RORA: variants seen among roughly 807,000 people sequenced by gnomAD.
RORA encodes RAR related orphan receptor A, also known as nuclear receptor ROR-alpha.
A neutral mutation model predicts 69.5 loss-of-function variants in RORA; 7 were observed. That is an observed-to-expected ratio of 0.10 (90% CI 0.06 to 0.19). The LOEUF (loss-of-function observed/expected upper bound fraction) is 0.19. Ranked by LOEUF, RORA falls within the 10% of genes least tolerant of loss-of-function variation. The probability of loss-of-function intolerance (pLI) is 1.00; values close to 1 mark genes in which losing one functional copy is unlikely to be tolerated. For missense variants in RORA, 457 were observed against 663.0 expected, an observed-to-expected ratio of 0.69 and a Z score of 3.41; for synonymous variants, 261 against 240.8, an observed-to-expected ratio of 1.08 and a Z score of -0.78.
At chr15:60,513,072 C>T (rs1317925858) in intron 4 of RORA, among the ~76,000 whole-genome samples, 3 of 152,176 alleles carry the variant, frequency 2.0e-5, no homozygotes, top group Admixed American at 2.0e-4. Flanking sequence ...AAGTTGGGAA[C>T]CAAGGCCCTC....
chr15:60,836,356 G>A (rs572300220), intron 1 of RORA, among the ~76,000 whole-genome samples: 142 of 152,228 alleles, frequency 9.3e-4, no homozygotes, highest in African/African-American at 3.3e-3. Context: ...ATGACAGAAG[G>A]AGAAGAGATG....
chr15:60,652,769 C>T (rs933236725), intron 2 of RORA, among the ~76,000 whole-genome samples: 1 of 152,190 alleles, frequency 6.6e-6, no homozygotes, highest in Non-Finnish European at 1.5e-5. Context: ...AAACACTTAA[C>T]ATTTAACACA....
intron 1 of RORA, among the ~76,000 whole-genome samples, chr15:60,885,405 C>A (rs948399814): frequency 1.3e-5 from 2 of 152,220 alleles, no homozygotes; most frequent in African/African-American, 2.4e-5. Context: ...TCAATGCAGC[C>A]TGGCTGCAGT....
intron 2 of RORA, among the ~76,000 whole-genome samples, chr15:60,552,097 A>T (rs966270826): frequency 1.3e-5 from 2 of 152,220 alleles, no homozygotes; most frequent in Admixed American, 1.3e-4. Flanking sequence ...CTTGCATCAT[A>T]GGTAGAACAC....
intron 1 of RORA, among the ~76,000 whole-genome samples, chr15:60,827,369 G>A (rs893976535): frequency 6.6e-6 from 1 of 152,220 alleles, no homozygotes; most frequent in African/African-American, 2.4e-5. Context: ...CTTTAGGGCT[G>A]CTAAGAAAAT....
At chr15:60,696,440 T>C (rs1459242562) in intron 1 of RORA, among the ~76,000 whole-genome samples, 3 of 152,166 alleles carry the variant, frequency 2.0e-5, no homozygotes, top group African/African-American at 7.2e-5. Flanking sequence ...GCTGCTGGCT[T>C]GGATTATATA....
intron 1 of RORA, among the ~76,000 whole-genome samples, chr15:60,998,192 C>A (rs1255477833): frequency 6.6e-6 from 1 of 152,140 alleles, no homozygotes; most frequent in Non-Finnish European, 1.5e-5. Flanking sequence ...GAGACAGGTT[C>A]TTGCTATGCC....
intron 2 of RORA, among the ~76,000 whole-genome samples, chr15:60,607,799 C>T (rs570592813): frequency 6.6e-6 from 1 of 152,178 alleles, no homozygotes; most frequent in Non-Finnish European, 1.5e-5. Context: ...AATGTTTAAC[C>T]TGCCAGAATT....
chr15:60,793,920 G>T (rs116009558), intron 1 of RORA, among the ~76,000 whole-genome samples: 11 of 152,252 alleles, frequency 7.2e-5, no homozygotes, highest in African/African-American at 2.6e-4. Context: ...TGATTCTGCC[G>T]GATTAAGCAA....
chr15:61,011,056 G>A (rs1232095573), intron 1 of RORA, among the ~76,000 whole-genome samples: 5 of 152,198 alleles, frequency 3.3e-5, no homozygotes, highest in African/African-American at 1.2e-4. Context: ...AAGTGCGAAG[G>A]CAAAGGTCAT....
At chr15:60,681,610 C>G (rs2070643254) in intron 1 of RORA, 1 of 152,164 alleles carries the variant, frequency 6.6e-6, no homozygotes, top group South Asian at 2.1e-4. Context: ...CCACACTTGC[C>G]CACCTTAGGC....
chr15:61,133,863 T>C (rs530671176), intron 1 of RORA, among the ~76,000 whole-genome samples: 2 of 152,284 alleles, frequency 1.3e-5, no homozygotes, highest in African/African-American at 4.8e-5. Flanking sequence ...TCAGGCTCAA[T>C]GAAAATAAAT....
intron 1 of RORA, among the ~76,000 whole-genome samples, chr15:60,929,967 G>T: frequency 6.6e-6 from 1 of 152,228 alleles, no homozygotes; most frequent in Middle Eastern, 3.4e-3. Flanking sequence ...AGTCTCTGGT[G>T]CATGCCTCTG....
At chr15:61,024,991 T>C (rs1895728757) in intron 1 of RORA, among the ~76,000 whole-genome samples, 1 of 152,204 alleles carries the variant, frequency 6.6e-6, no homozygotes, top group Admixed American at 6.5e-5. Context: ...TGCTTTGGTT[T>C]TTGTATTTCA....
At position 61,224,530 on chromosome 15, in the gene RORA, T is replaced by C. The variant is rs533726485; in HGVS notation, c.166+4523A>G. 4.6e-5 allele frequency among the ~76,000 whole-genome samples: 7 copies of C among 152,256 alleles called. No homozygotes were observed. In the South Asian group the frequency reaches 1.5e-3, roughly 32 times the overall value. ...CACATGCTTAAGATACCATACCATA[T>C]GAACCTCTAATAACCTCCAACTCCA... On this transcript the variant is annotated intron_variant, in intron 1 of 10. Transcript: ENST00000335670.
At chr15:61,198,342 A>G (rs942460451) in intron 1 of RORA, among the ~76,000 whole-genome samples, 2 of 152,270 alleles carry the variant, frequency 1.3e-5, no homozygotes, top group South Asian at 4.2e-4. Flanking sequence ...ATCTAGGAAG[A>G]TAACCTAGAT....
At chr15:61,158,329 G>A (rs1440646494) in intron 1 of RORA, among the ~76,000 whole-genome samples, 1 of 152,172 alleles carries the variant, frequency 6.6e-6, no homozygotes, top group Non-Finnish European at 1.5e-5. Context: ...ATCTCAACTG[G>A]AGATCAGCCA....
intron 1 of RORA, among the ~76,000 whole-genome samples, chr15:60,939,701 G>A (rs1423884985): frequency 6.6e-6 from 1 of 152,204 alleles, no homozygotes; most frequent in East Asian, 1.9e-4. Context: ...TTTTTCAGGA[G>A]AGTTTCTCCT....
intron 1 of RORA, among the ~76,000 whole-genome samples, chr15:61,120,917 G>A (rs951500268): frequency 1.3e-5 from 2 of 149,138 alleles, no homozygotes; most frequent in African/African-American, 4.9e-5. Context: ...GTGTGATCTC[G>A]GCTCACTGCA....
Sources: gnomAD v4.1 joint callset for allele counts (sites outside exome capture counted in the v4.1 genomes callset) on GRCh38, gnomAD v4.1.1 for gene constraint, MANE v1.5 for transcripts, NCBI Gene and HGNC (gene_info 2026-07-23, HGNC 2026-07-21) for gene names.